RSPO2: variants seen among roughly 807,000 people sequenced by gnomAD.
RSPO2 encodes the protein R-spondin-2.
A neutral mutation model predicts 30.9 loss-of-function variants in RSPO2; 14 were observed. The ratio of observed to expected loss-of-function variants is 0.45; its 90% CI spans 0.30 to 0.71. The LOEUF (loss-of-function observed/expected upper bound fraction) is 0.71. Ranked by LOEUF, RSPO2 falls within the 30% of genes least tolerant of loss-of-function variation. RSPO2 has a pLI of 0.08. For missense variants in RSPO2, 264 were observed against 301.9 expected, an observed-to-expected ratio of 0.87 and a Z score of 0.93; for synonymous variants, 107 against 96.4, an observed-to-expected ratio of 1.11 and a Z score of -0.64.
chr8:108,033,821 A>G (rs1811506481), intron 2 of RSPO2, among the ~76,000 whole-genome samples: 3 of 152,168 alleles, frequency 2.0e-5, no homozygotes, highest in African/African-American at 7.2e-5. Flanking sequence ...AGGCATGGGG[A>G]GTAGAAAAAA....
At chr8:107,908,809 C>A (rs1356013377) in intron 5 of RSPO2, among the ~76,000 whole-genome samples, 3 of 152,180 alleles carry the variant, frequency 2.0e-5, no homozygotes, top group Non-Finnish European at 2.9e-5. Context: ...TATTCAAATA[C>A]TGATTTAGAG....
At chr8:107,938,657 T>G (rs1296262122) in intron 5 of RSPO2, among the ~76,000 whole-genome samples, 1 of 152,164 alleles carries the variant, frequency 6.6e-6, no homozygotes, top group Non-Finnish European at 1.5e-5. Flanking sequence ...ATATAACCTC[T>G]GAGGAGACAG....
At chr8:108,000,239 A>C (rs1815193800) in intron 2 of RSPO2, among the ~76,000 whole-genome samples, 1 of 152,208 alleles carries the variant, frequency 6.6e-6, no homozygotes, top group African/African-American at 2.4e-5. Context: ...CATTCGAGAT[A>C]ATCTGTCAAA....
At chr8:107,983,725 C>A (rs1814530147) in intron 3 of RSPO2, 1 of 1,591,470 alleles carries the variant, frequency 6.3e-7, no homozygotes, top group South Asian at 1.1e-5. Context: ...GCTGAAAAGG[C>A]CAGACTTCTA....
intron 3 of RSPO2, 24 bp from the exon 4 acceptor site, chr8:107,960,841 AAAG>A: frequency 1.3e-6 from 2 of 1,534,370 alleles, no homozygotes; most frequent in South Asian, 1.2e-5. Flanking sequence ...TAAAGAGAAA[AAAG>A]AAAATTTCAG....
At chr8:107,983,205 T>A (rs1814511501) in intron 3 of RSPO2, 1 of 1,572,788 alleles carries the variant, frequency 6.4e-7, no homozygotes, top group Admixed American at 1.8e-5. Context: ...ACGAAGAGGC[T>A]ATTTCTTGTC....
intron 2 of RSPO2, among the ~76,000 whole-genome samples, chr8:108,055,669 G>A (rs1381436364): frequency 6.6e-6 from 1 of 152,152 alleles, no homozygotes. Context: ...AGATATTAAT[G>A]TTATTTGGAG....
intron 2 of RSPO2, among the ~76,000 whole-genome samples, chr8:108,008,195 T>C (rs1474194318): frequency 6.6e-6 from 1 of 152,200 alleles, no homozygotes; most frequent in African/African-American, 2.4e-5. Context: ...TCAATTTTGT[T>C]TTATCTGCAC....
At chr8:107,950,224 T>C (rs1419478190) in intron 5 of RSPO2, among the ~76,000 whole-genome samples, 1 of 151,396 alleles carries the variant, frequency 6.6e-6, no homozygotes, top group East Asian at 1.9e-4. Context: ...CATGTGTGTT[T>C]ATTGTGTATA....
rs535420832 is a variant in RSPO2 at position 108,026,495 on chromosome 8, T to C, written c.95-37251A>G. On this transcript the variant is annotated intron_variant, in intron 2 of 5. Coordinates refer to ENST00000276659, the MANE Select transcript of RSPO2 (RefSeq NM_178565.5). ...TGTTTTTAGGAAATGTGCACTGATA[T>C]TGAGAATCATGTCTCCAACTTATAA... is the stretch of plus-strand genomic sequence containing the variant. Among the ~76,000 whole-genome samples the C allele has an allele frequency of 3.3e-5, 5 of 152,298 alleles. 2 individuals are homozygous for C. The highest frequency in any genetic ancestry group is 1.2e-4 in the African/African-American group (5 of 41,560).
chr8:108,040,979 T>C (rs189428000), intron 2 of RSPO2, among the ~76,000 whole-genome samples: 1 of 151,760 alleles, frequency 6.6e-6, no homozygotes, highest in Non-Finnish European at 1.5e-5. Flanking sequence ...GAGACATGGG[T>C]TTTTACATTT....
At chr8:107,918,758 A>G (rs1040652106) in intron 5 of RSPO2, among the ~76,000 whole-genome samples, 14 of 152,296 alleles carry the variant, frequency 9.2e-5, no homozygotes, top group Non-Finnish European at 1.5e-4. Context: ...TATGCACATA[A>G]TCAGGCCAAG....
chr8:107,921,277 TACACACACACAC>T (rs71308759), intron 5 of RSPO2, among the ~76,000 whole-genome samples: 3 of 148,738 alleles, frequency 2.0e-5, no homozygotes, highest in Non-Finnish European at 4.5e-5. Context: ...TAGCAGATTT[TACACACACACAC>T]ACACACACAC....
intron 5 of RSPO2, among the ~76,000 whole-genome samples, chr8:107,941,026 A>G (rs933309277): frequency 5.3e-5 from 8 of 152,008 alleles, no homozygotes; most frequent in Non-Finnish European, 1.0e-4. Context: ...ATCTTGAATC[A>G]CTTCATTATC....
chr8:107,933,310 C>T (rs1259659763), intron 5 of RSPO2, among the ~76,000 whole-genome samples: 3 of 152,068 alleles, frequency 2.0e-5, no homozygotes, highest in Admixed American at 2.0e-4. Flanking sequence ...AGTAAAAGAA[C>T]ACAAAAATAG....
chr8:107,983,266 G>C (rs967017559), intron 3 of RSPO2: 32 of 1,593,820 alleles, frequency 2.0e-5, no homozygotes, highest in African/African-American at 4.0e-5. Context: ...GACACAGTCT[G>C]AGCAGGCTCA....
In RSPO2 at chr8:108,083,358, C is replaced by G. The variant is rs1316861868; in HGVS notation, c.-331G>C. On this transcript the variant is annotated 5_prime_UTR_variant, in exon 1 of 6. Coordinates refer to ENST00000276659, the MANE Select transcript of RSPO2 (RefSeq NM_178565.5). ...ATTCCAGCGGCCGCCGCGGGGTTGG[C>G]GACGCCAGGCAGGAGCGCGGAGCGG... 1.3e-5 allele frequency: 2 copies of G among 152,250 alleles called. No homozygotes were observed. The highest frequency in any genetic ancestry group is 2.9e-5 in the Non-Finnish European group (2 of 68,100). The allele number at this position is 152,250 out of a possible 1,614,324, so 9.4% of individuals were successfully genotyped here.
chr8:107,988,906 G>A, intron 3 of RSPO2, 150 bp downstream of exon 3: 1 of 699,262 alleles, frequency 1.4e-6, no homozygotes, highest in Non-Finnish European at 2.2e-6. Context: ...GGGATTACAG[G>A]CATGACCCAC....
chr8:107,991,249 AACACACACACACAC>A (rs60247229), intron 2 of RSPO2, among the ~76,000 whole-genome samples: 32 of 133,468 alleles, frequency 2.4e-4, no homozygotes, highest in African/African-American at 5.3e-4. Flanking sequence ...CTCCATCTCA[AACACACACACACAC>A]ACACACACAC....
Sources: gnomAD v4.1 joint callset for allele counts (sites outside exome capture counted in the v4.1 genomes callset) on GRCh38, gnomAD v4.1.1 for gene constraint, MANE v1.5 for transcripts, NCBI Gene and HGNC (gene_info 2026-07-23, HGNC 2026-07-21) for gene names.